Variants in SMARCA5 observed in about 807,000 individuals in gnomAD.
SMARCA5 encodes SNF2 related chromatin remodeling ATPase 5.
A neutral mutation model predicts 140.4 loss-of-function variants in SMARCA5; 18 were observed. The ratio of observed to expected loss-of-function variants is 0.13; its 90% CI spans 0.09 to 0.19. SMARCA5 has a LOEUF of 0.19. Among genes scored for constraint, SMARCA5 ranks in the 10% least tolerant of loss-of-function variants. The pLI is 1.00. For synonymous variants in SMARCA5, 449 were observed against 419.6 expected (o/e 1.07, Z -0.86); for missense variants, 606 against 1,276.8 (o/e 0.47, Z 8.01).
At chr4:143,538,999 A>G (rs376094745) in intron 13 of SMARCA5, 61 bp downstream of exon 13, 1 of 1,392,128 alleles carries the variant, frequency 7.2e-7, no homozygotes, top group Non-Finnish European at 1.0e-6. Flanking sequence ...AGGACAGGCT[A>G]ATTCTACAAA....
chr4:143,531,790 T>C (rs1452294237), intron 9 of SMARCA5, among the ~76,000 whole-genome samples: 5 of 152,232 alleles, frequency 3.3e-5, no homozygotes, highest in Non-Finnish European at 7.3e-5. Context: ...GTAATTCTAA[T>C]CTATTTTTGC....
At position 143,555,165 on chromosome 4, in the gene SMARCA5, C is replaced by T. The variant is rs1737722349; in HGVS notation, c.*1981C>T. 2 of 718,044 alleles carry T rather than the reference C, an allele frequency of 2.8e-6. No individual in the cohort carries two copies. Among genetic ancestry groups the T allele is most frequent in the African/African-American group, 1.7e-5 (1 of 57,798 alleles). 44.5% of individuals were successfully genotyped at this position (718,044 alleles called of 1,614,324 possible). On this transcript the variant is annotated 3_prime_UTR_variant, in exon 24 of 24. Coordinates refer to ENST00000283131, the MANE Select transcript of SMARCA5 (RefSeq NM_003601.4). ...CTGCTACTGGAACTGCCTTAGCCAC[C>T]TTGGTATCGTGGTTTGGCAAAGTAT...
In SMARCA5 at chr4:143,513,864, C is replaced by A; in HGVS notation, c.-61C>A. On this transcript the variant is annotated 5_prime_UTR_variant, in exon 1 of 24. Coordinates refer to ENST00000283131, the MANE Select transcript of SMARCA5 (RefSeq NM_003601.4). ...CGACGTAGCATCCAGGCCTAGGCCT[C>A]CCCGTCCATCCCCGCCGGACTCGGG... 2 of 1,512,570 alleles carry A rather than the reference C, an allele frequency of 1.3e-6. No homozygotes were observed. The highest frequency in any genetic ancestry group is 1.8e-6 in the Non-Finnish European group (2 of 1,131,944). The allele number at this position is 1,512,570 out of a possible 1,614,324, so 93.7% of individuals were successfully genotyped here. A position where few individuals can be genotyped will look rare whatever the true frequency, so the allele number is the denominator to read the frequency against.
Position 143,530,491 on chromosome 4 carries a change from C to T in SMARCA5, c.1123C>T (p.Leu375Phe). 6.2e-7 allele frequency: 1 copy of T among 1,611,608 alleles called. No homozygotes were observed. The highest frequency in any genetic ancestry group is 8.5e-7 in the Non-Finnish European group (1 of 1,178,796). ...TTCCTGGTTTGATACAAACAACTGC[C>T]TTGGGGATCAAAAACTAGTTGAGAG... ...FDSWFDTNNCLGDQKLVERLH... is the reference protein window; with the variant it reads ...FDSWFDTNNCFGDQKLVERLH... The change falls in exon 9 of 24, where the codon CTT (leucine) becomes TTT (phenylalanine). Residue 375 changes from leucine (L) to phenylalanine (F), a missense_variant. Physicochemically the swap from Leu to Phe is conservative, Grantham distance 22 (BLOSUM62 0). Transcript: ENST00000283131.
intron 14 of SMARCA5, among the ~76,000 whole-genome samples, chr4:143,542,537 T>C (rs1560820360): frequency 6.6e-6 from 1 of 152,220 alleles, no homozygotes; most frequent in East Asian, 1.9e-4. Context: ...CATGGATGTT[T>C]GGCTGTATAT....
chr4:143,546,158 A>G (rs986796187), intron 19 of SMARCA5, 111 bp downstream of exon 19: 1 of 729,424 alleles, frequency 1.4e-6, no homozygotes, highest in Non-Finnish European at 2.1e-6. Context: ...AAGATGGAAT[A>G]ATTGGAGACA....
intron 9 of SMARCA5, 82 bp downstream of exon 9, chr4:143,530,608 T>A: frequency 2.1e-6 from 2 of 941,002 alleles, no homozygotes; most frequent in Non-Finnish European, 3.3e-6. Flanking sequence ...ATTTTCCTGT[T>A]AATAAAAAAC....
chr4:143,539,097 A>G (rs1283672026), intron 13 of SMARCA5, among the ~76,000 whole-genome samples, 159 bp downstream of exon 13: 2 of 152,186 alleles, frequency 1.3e-5, no homozygotes, highest in South Asian at 4.1e-4. Flanking sequence ...CATCTAAATA[A>G]GGGTATTTCC....
chr4:143,524,007 T>C (rs1245652043), intron 3 of SMARCA5, among the ~76,000 whole-genome samples: 7 of 150,316 alleles, frequency 4.7e-5, no homozygotes, highest in African/African-American at 1.7e-4. Context: ...ATTTTAAACA[T>C]GTGGTTTCTG....
rs1737612230 is a variant in SMARCA5 at position 143,550,063 on chromosome 4, AAGG to A, written c.3055_3057del (p.Glu1019del). 2 of 1,592,942 alleles carry A rather than the reference AAGG, an allele frequency of 1.3e-6. No homozygotes were observed. Among genetic ancestry groups the A allele is most frequent in the African/African-American group, 1.4e-5 (1 of 73,264 alleles). On this transcript the variant is annotated inframe_deletion, in exon 23 of 24. Transcript: ENST00000283131. ...AAGAGAAAACATGGAACTAGAAGAA[AAGG>A]AGAAGGCAGAGAAAAAGAAACGAGG...
chr4:143,540,253 T>A (rs1737402254), intron 13 of SMARCA5, 110 bp from the exon 14 acceptor site: 2 of 823,010 alleles, frequency 2.4e-6, no homozygotes, highest in South Asian at 5.0e-5. Context: ...TACAAATTTT[T>A]AAAAGTTTTA....
intron 23 of SMARCA5, among the ~76,000 whole-genome samples, chr4:143,550,307 T>C (rs6810805): frequency 0.44 from 65,415 of 148,174 alleles, 14,849 homozygotes; most frequent in East Asian, 0.74. Context: ...TAGGTAGTGG[T>C]ATAATTTTTA....
chr4:143,531,261 T>G (rs1737177721), intron 9 of SMARCA5, among the ~76,000 whole-genome samples: 1 of 152,228 alleles, frequency 6.6e-6, no homozygotes. Flanking sequence ...AATATTGCAT[T>G]ATGAGCACAG....
At position 143,526,319 on chromosome 4, in the gene SMARCA5, G is replaced by A. The variant is rs149858385; in HGVS notation, c.660G>A (p.Gly220=). ...GKTLQTISLL[G]YMKHYRNIPG... ...CTCTTCAAACAATTTCTCTTCTTGG[G>A]TACATGAAACATTATAGAAACATTC... The change falls in exon 6 of 24, where the codon GGG becomes GGA. Residue 220 remains glycine (G), a synonymous_variant. Coordinates refer to ENST00000283131, the MANE Select transcript of SMARCA5 (RefSeq NM_003601.4). 4.8e-5 allele frequency: 77 copies of A among 1,613,820 alleles called. No individual in the cohort carries two copies. In the African/African-American group the frequency reaches 9.6e-4, roughly 20 times the overall value.
intron 11 of SMARCA5, among the ~76,000 whole-genome samples, chr4:143,538,168 T>C (rs1308210324): frequency 6.6e-6 from 1 of 152,140 alleles, no homozygotes; most frequent in East Asian, 1.9e-4. Context: ...ATGAGGCACA[T>C]ATTATGGTCC....
At position 143,555,461 on chromosome 4, in the gene SMARCA5, A is replaced by T. The variant is rs1275277851; in HGVS notation, c.*2277A>T. ...TTGTATAATAGTTTCTGTTCTGTGG[A>T]AAGTAAAGCATTCCAACACAGGGTT... is the stretch of plus-strand genomic sequence containing the variant. On this transcript the variant is annotated 3_prime_UTR_variant, in exon 24 of 24. Transcript: ENST00000283131. The T allele has an allele frequency of 1.7e-5, 9 of 537,674 alleles. No individual in the cohort carries two copies. Among genetic ancestry groups the T allele is most frequent in the Non-Finnish European group, 3.1e-5 (9 of 291,262 alleles). The allele number at this position is 537,674 out of a possible 1,614,324, so 33.3% of individuals were successfully genotyped here.
At chr4:143,547,906 A>T in intron 21 of SMARCA5, 22 bp from the exon 22 acceptor site, 10 of 1,342,102 alleles carry the variant, frequency 7.5e-6, no homozygotes, top group Non-Finnish European at 1.0e-5. Flanking sequence ...ATTTTATATA[A>T]TATAAAATCT....
chr4:143,545,840 T>G, intron 18 of SMARCA5, 85 bp from the exon 19 acceptor site: 1 of 1,250,500 alleles, frequency 8.0e-7, no homozygotes, highest in Admixed American at 2.2e-5. Flanking sequence ...CTGGTTGAAT[T>G]GAAACTTGTG....
intron 16 of SMARCA5, 92 bp downstream of exon 16, chr4:143,544,064 T>C: frequency 1.0e-6 from 1 of 974,578 alleles, no homozygotes; most frequent in Non-Finnish European, 1.4e-6. Context: ...ATAATTTTGC[T>C]TAAAACAGTA....
Sources: gnomAD v4.1 joint callset for allele counts (sites outside exome capture counted in the v4.1 genomes callset) on GRCh38, gnomAD v4.1.1 for gene constraint, MANE v1.5 for transcripts, NCBI Gene and HGNC (gene_info 2026-07-23, HGNC 2026-07-21) for gene names.